The following SOX5 variants were observed in gnomAD, a reference collection of about 807,000 sequenced individuals.
The protein encoded by SOX5 is SRY-box transcription factor 5.
A neutral mutation model predicts 92.0 loss-of-function variants in SOX5; 9 were observed. The observed-to-expected ratio is 0.10, with a 90% CI of 0.06 to 0.17. The LOEUF is 0.17. Among genes scored for constraint, SOX5 ranks in the 10% least tolerant of loss-of-function variants. SOX5 has a pLI of 1.00. For missense variants in SOX5, 642 were observed against 944.5 expected, an observed-to-expected ratio of 0.68 and a Z score of 4.20; for synonymous variants, 344 against 336.3, an observed-to-expected ratio of 1.02 and a Z score of -0.25.
intron 3 of SOX5, among the ~76,000 whole-genome samples, chr12:23,820,517 G>T (rs1255840621): frequency 6.6e-6 from 1 of 152,158 alleles, no homozygotes; most frequent in Admixed American, 6.5e-5. Context: ...GTCCTGAATT[G>T]TATTGACTAG....
At chr12:23,982,182 T>C (rs1022170247) in intron 4 of SOX5, among the ~76,000 whole-genome samples, 18 of 152,226 alleles carry the variant, frequency 1.2e-4, no homozygotes, top group African/African-American at 4.1e-4. Context: ...TGAATGTGTA[T>C]AACCATAAAC....
chr12:23,654,683 T>C (rs1049549257), intron 7 of SOX5, among the ~76,000 whole-genome samples: 1 of 152,078 alleles, frequency 6.6e-6, no homozygotes, highest in Non-Finnish European at 1.5e-5. Context: ...CAAGTAAAGG[T>C]GAAGGAATTT....
At chr12:24,291,954 G>A (rs1453617090) in intron 2 of SOX5, among the ~76,000 whole-genome samples, 1 of 152,106 alleles carries the variant, frequency 6.6e-6, no homozygotes, top group African/African-American at 2.4e-5. Context: ...GGGTGGAGGT[G>A]GAAGTAACAA....
intron 4 of SOX5, among the ~76,000 whole-genome samples, chr12:24,039,369 G>A (rs1956318652): frequency 6.6e-6 from 1 of 152,110 alleles, no homozygotes. Flanking sequence ...TATATTGTGT[G>A]GTGGTGACTG....
chr12:24,523,242 G>T (rs559320496), intron 1 of SOX5, among the ~76,000 whole-genome samples: 32 of 152,196 alleles, frequency 2.1e-4, no homozygotes, highest in Admixed American at 1.3e-4. Context: ...AGAAATTAAA[G>T]AAATGAATAA....
At chr12:23,982,005 C>T (rs1249755446) in intron 4 of SOX5, among the ~76,000 whole-genome samples, 1 of 151,982 alleles carries the variant, frequency 6.6e-6, no homozygotes, top group Non-Finnish European at 1.5e-5. Context: ...AAGACAAAGA[C>T]CATATCATTT....
intron 3 of SOX5, among the ~76,000 whole-genome samples, chr12:23,776,859 A>T (rs1272900599): frequency 6.6e-6 from 1 of 151,990 alleles, no homozygotes; most frequent in African/African-American, 2.4e-5. Flanking sequence ...CCGGTTCCTA[A>T]CAGGCCACGG....
intron 2 of SOX5, among the ~76,000 whole-genome samples, chr12:24,317,577 T>C (rs1322610144): frequency 6.6e-6 from 1 of 152,210 alleles, no homozygotes. Context: ...CTTTCCACTG[T>C]TGCTGGGACT....
intron 2 of SOX5, among the ~76,000 whole-genome samples, chr12:24,366,053 G>A (rs1956138640): frequency 6.6e-6 from 1 of 152,078 alleles, no homozygotes; most frequent in Non-Finnish European, 1.5e-5. Flanking sequence ...GGGTATCAAT[G>A]CTGTTTTTGT....
At chr12:24,050,933 A>G (rs1307171791) in intron 4 of SOX5, among the ~76,000 whole-genome samples, 2 of 152,138 alleles carry the variant, frequency 1.3e-5, no homozygotes, top group African/African-American at 2.4e-5. Context: ...ATATACATCT[A>G]ATCTTTCTAC....
intron 2 of SOX5, among the ~76,000 whole-genome samples, chr12:24,354,142 A>G (rs1253284926): frequency 6.6e-6 from 1 of 152,260 alleles, no homozygotes; most frequent in Non-Finnish European, 1.5e-5. Flanking sequence ...AATGCAAGGT[A>G]TGAGAGCATA....
At chr12:24,557,392 C>T (rs1043562356) in intron 1 of SOX5, among the ~76,000 whole-genome samples, 2 of 117,874 alleles carry the variant, frequency 1.7e-5, no homozygotes, top group African/African-American at 5.6e-5. Flanking sequence ...CAGAGCAAGA[C>T]TTCATTTCAA....
At chr12:23,768,694 G>A (rs1463880463) in intron 3 of SOX5, among the ~76,000 whole-genome samples, 1 of 151,932 alleles carries the variant, frequency 6.6e-6, no homozygotes, top group Non-Finnish European at 1.5e-5. Flanking sequence ...TAATCTAGTT[G>A]CAATTTTTTT....
chr12:23,550,753 A>C (rs1056543740), intron 11 of SOX5, among the ~76,000 whole-genome samples: 12 of 151,826 alleles, frequency 7.9e-5, no homozygotes, highest in Non-Finnish European at 1.8e-4. Flanking sequence ...AAACTGAAAA[A>C]TTTTCCCTGC....
At chr12:23,576,491 TAAAC>T (rs1949125485) in intron 9 of SOX5, among the ~76,000 whole-genome samples, 1 of 152,236 alleles carries the variant, frequency 6.6e-6, no homozygotes, top group African/African-American at 2.4e-5. Flanking sequence ...TTCTAAACAC[TAAAC>T]AAACACCATG....
chr12:23,951,163 G>A, upstream of SOX5: 1 of 412,524 alleles, frequency 2.4e-6, no homozygotes, highest in Non-Finnish European at 4.4e-6. Flanking sequence ...AATTCCACGA[G>A]GAAATTCCCT....
intron 1 of SOX5, among the ~76,000 whole-genome samples, chr12:24,403,157 C>A (rs574204729): frequency 6.6e-6 from 1 of 152,298 alleles, no homozygotes; most frequent in East Asian, 1.9e-4. Flanking sequence ...TTCCCTGGAA[C>A]TGAAATTATT....
intron 3 of SOX5, among the ~76,000 whole-genome samples, chr12:23,760,518 G>A (rs2094533049): frequency 6.6e-6 from 1 of 152,008 alleles, no homozygotes; most frequent in Non-Finnish European, 1.5e-5. Context: ...GGACCCTTCT[G>A]ATACATTTGC....
At chr12:24,413,149 T>G (rs1372545227) in intron 1 of SOX5, among the ~76,000 whole-genome samples, 3 of 152,246 alleles carry the variant, frequency 2.0e-5, no homozygotes, top group Admixed American at 6.5e-5. Context: ...AACTTGGGTG[T>G]TCAAATCTTC....
Sources: gnomAD v4.1 joint callset for allele counts (sites outside exome capture counted in the v4.1 genomes callset) on GRCh38, gnomAD v4.1.1 for gene constraint, MANE v1.5 for transcripts, NCBI Gene and HGNC (gene_info 2026-07-23, HGNC 2026-07-21) for gene names.